Variants in SHH observed in about 807,000 individuals in gnomAD.
The protein encoded by SHH is sonic hedgehog protein.
Under a neutral mutation model 16.6 loss-of-function variants are expected in SHH, and 3 were observed. That is an observed-to-expected ratio of 0.18 (90% confidence interval 0.08 to 0.47). The LOEUF (loss-of-function observed/expected upper bound fraction) is 0.47, where lower values mean the gene tolerates loss of function less well. Ranked by LOEUF, SHH falls within the 20% of genes least tolerant of loss-of-function variation. SHH has a pLI of 0.98. For synonymous variants in SHH, 351 were observed against 316.2 expected, an observed-to-expected ratio of 1.11 and a Z score of -1.17; for missense variants, 499 against 665.0, an observed-to-expected ratio of 0.75 and a Z score of 2.75.
intron 2 of SHH, among the ~76,000 whole-genome samples, chr7:155,804,452 G>A (rs1295720866): frequency 6.6e-6 from 1 of 152,202 alleles, no homozygotes; most frequent in Non-Finnish European, 1.5e-5. Context: ...GGGATAAACA[G>A]GAGACACTCT....
In SHH at chr7:155,800,475, G is replaced by T. The variant is rs1038401176; in HGVS notation, c.*2425C>A. On this transcript the variant is annotated 3_prime_UTR_variant, in exon 3 of 3. Transcript: ENST00000297261. ...TCAGGCACCTTGGGGCTTGGTCAAC[G>T]CCTGGCTTCTCTCTGATCGTCTGGG... The T allele has an allele frequency of 4.4e-6, 2 of 452,878 alleles. No homozygotes were observed. The highest frequency in any genetic ancestry group is 9.1e-6 in the Non-Finnish European group (2 of 218,660). 28.1% of individuals were successfully genotyped at this position (452,878 alleles called of 1,614,324 possible).
intron 2 of SHH, among the ~76,000 whole-genome samples, 166 bp downstream of exon 2, chr7:155,806,130 G>A (rs1364101524): frequency 2.0e-5 from 3 of 152,218 alleles, no homozygotes; most frequent in African/African-American, 7.2e-5. Context: ...TGATTTCGAG[G>A]GGCCGGCACC....
Position 155,803,786 on chromosome 7 carries a change from G to C in SHH, c.563-60C>G. 2.8e-6 allele frequency: 4 copies of C among 1,431,370 alleles called. No homozygotes were observed. The South Asian group carries it at 4.7e-5, about 17-fold the overall frequency. 88.7% of individuals were successfully genotyped at this position (1,431,370 alleles called of 1,614,324 possible). A position where few individuals can be genotyped will look rare whatever the true frequency, so the allele number is the denominator to read the frequency against. ...GGGCATTGAGTTCCGAGAGGGAGGCGCGTCTCGGGGAGGAGGGCGCACGCT... is the reference window on the plus strand; with the variant it reads ...GGGCATTGAGTTCCGAGAGGGAGGCCCGTCTCGGGGAGGAGGGCGCACGCT... On this transcript the variant is annotated intron_variant, in intron 2 of 2. Coordinates refer to ENST00000297261, the MANE Select transcript of SHH (RefSeq NM_000193.4).
intron 1 of SHH, among the ~76,000 whole-genome samples, chr7:155,810,440 C>T (rs569479073): frequency 6.6e-6 from 1 of 152,364 alleles, no homozygotes; most frequent in African/African-American, 2.4e-5. Flanking sequence ...AGCCGGAGAA[C>T]TCCCTCCAGC....
rs1402158646 is a variant in SHH, at chr7:155,802,927, C to T, written c.1362G>A (p.Pro454=). The T allele has an allele frequency of 3.3e-6, 5 of 1,506,918 alleles. No homozygotes were observed. The highest frequency in any genetic ancestry group is 4.0e-5 in the Admixed American group (2 of 50,556). The allele number at this position is 1,506,918 out of a possible 1,614,324, so 93.3% of individuals were successfully genotyped here. A position where few individuals can be genotyped will look rare whatever the true frequency, so the allele number is the denominator to read the frequency against. Residue 454 remains proline, a synonymous_variant, in exon 3 of 3, where the codon CCG becomes CCA. Coordinates refer to ENST00000297261, the MANE Select transcript of SHH (RefSeq NM_000193.4). ...TWLLDSEALH[P]LGMAVKSS is the part of the protein sequence containing the mutation. ...AGCTGGACTTGACCGCCATGCCCAG[C>T]GGGTGCAGGGCCTCGCTGTCCAGGA...
intron 2 of SHH, among the ~76,000 whole-genome samples, chr7:155,804,978 G>A (rs1457286152): frequency 1.3e-5 from 2 of 152,252 alleles, no homozygotes; most frequent in East Asian, 3.9e-4. Flanking sequence ...ATGCGACCCC[G>A]GGCGCTGGCG....
Position 155,803,155 on chromosome 7 carries a change from C to G in SHH, c.1134G>C (p.Ala378=). Residue 378 remains alanine, a synonymous_variant, in exon 3 of 3, where the codon GCG becomes GCC. Transcript: ENST00000297261. ...EEHSWAHRAF[A]PFRLAHALLA... ...GGAGCGCGTGCGCCAGGCGGAAGGGCGCGAAGGCCCGGTGCGCCCAGCTGT... is the reference window on the plus strand; with the variant it reads ...GGAGCGCGTGCGCCAGGCGGAAGGGGGCGAAGGCCCGGTGCGCCCAGCTGT... The G allele has an allele frequency of 2.1e-6, 3 of 1,437,918 alleles. No homozygotes were observed. The highest frequency in any genetic ancestry group is 2.7e-6 in the Non-Finnish European group (3 of 1,093,006). 89.1% of individuals were successfully genotyped at this position (1,437,918 alleles called of 1,614,324 possible). A position where few individuals can be genotyped will look rare whatever the true frequency, so the allele number is the denominator to read the frequency against.
intron 1 of SHH, chr7:155,806,896 C>T (rs974123577): frequency 8.7e-5 from 35 of 401,990 alleles, no homozygotes; most frequent in Middle Eastern, 4.0e-4. Context: ...AAGACATCAA[C>T]TACAGGACCC....
intron 2 of SHH, 90 bp from the exon 3 acceptor site, chr7:155,803,816 G>T: frequency 8.4e-7 from 1 of 1,192,062 alleles, no homozygotes; most frequent in Non-Finnish European, 1.2e-6. Context: ...CACGCTTGGT[G>T]CCCGCGCTCC....
At chr7:155,810,346 C>T (rs1803493830) in intron 1 of SHH, among the ~76,000 whole-genome samples, 1 of 152,254 alleles carries the variant, frequency 6.6e-6, no homozygotes, top group African/African-American at 2.4e-5. Flanking sequence ...CGCAGTGCCT[C>T]CCTCCTCTCG....
At chr7:155,808,610 G>T (rs1267846601) in intron 1 of SHH, among the ~76,000 whole-genome samples, 2 of 152,212 alleles carry the variant, frequency 1.3e-5, no homozygotes, top group Non-Finnish European at 2.9e-5. Context: ...GGCTCCGCGC[G>T]GCCTCGGCTG....
At chr7:155,810,355 C>T (rs1054663422) in intron 1 of SHH, among the ~76,000 whole-genome samples, 1 of 152,254 alleles carries the variant, frequency 6.6e-6, no homozygotes, top group Admixed American at 6.5e-5. Context: ...TCCCTCCTCT[C>T]GGGTTCCGAG....
At position 155,800,289 on chromosome 7, in the gene SHH, T is replaced by C; in HGVS notation, c.*2611A>G. On this transcript the variant is annotated 3_prime_UTR_variant, in exon 3 of 3. Coordinates refer to ENST00000297261, the MANE Select transcript of SHH (RefSeq NM_000193.4). ...TAAATATAAAGCAGTGGACGCATCT[T>C]AAGAAGATGGACCAGGAGGGCTGGG... 2.2e-6 allele frequency: 1 copy of C among 461,004 alleles called. No individual in the cohort carries two copies. Among genetic ancestry groups the C allele is most frequent in the Non-Finnish European group, 4.5e-6 (1 of 223,936 alleles). The allele number at this position is 461,004 out of a possible 1,614,324, so 28.6% of individuals were successfully genotyped here. A position where few individuals can be genotyped will look rare whatever the true frequency, so the allele number is the denominator to read the frequency against.
At chr7:155,810,276 G>A (rs1803491373) in intron 1 of SHH, among the ~76,000 whole-genome samples, 1 of 152,028 alleles carries the variant, frequency 6.6e-6, no homozygotes, top group African/African-American at 2.4e-5. Context: ...GCAGAGCAGG[G>A]CAGAAGCTGA....
Sources: allele counts gnomAD v4.1 joint callset (sites outside exome capture counted in the v4.1 genomes callset), GRCh38; gene constraint gnomAD v4.1.1; transcripts MANE v1.5; gene names NCBI Gene and HGNC (gene_info 2026-07-23, HGNC 2026-07-21).